TSPAN18: variants seen among roughly 807,000 people sequenced by gnomAD.
TSPAN18 encodes tetraspanin 18.
A neutral mutation model predicts 27.3 loss-of-function variants in TSPAN18; 14 were observed. The observed-to-expected ratio is 0.51, with a 90% CI of 0.34 to 0.80. TSPAN18 has a LOEUF of 0.80. Ranked by LOEUF, TSPAN18 falls within the 30% of genes least tolerant of loss-of-function variation. The pLI is 0.01. For missense variants in TSPAN18, 268 were observed against 323.9 expected (o/e 0.83, Z 1.32); for synonymous variants, 143 against 136.5 (o/e 1.05, Z -0.33).
chr11:44,799,498 C>A (rs1478134792), intron 2 of TSPAN18, among the ~76,000 whole-genome samples: 1 of 152,218 alleles, frequency 6.6e-6, no homozygotes, highest in Admixed American at 6.5e-5. Context: ...GTTAGCCCTC[C>A]AAGTAAGGGA....
intron 8 of TSPAN18, among the ~76,000 whole-genome samples, chr11:44,924,526 C>G (rs12421023): frequency 0.019 from 2,937 of 152,222 alleles, 115 homozygotes; most frequent in East Asian, 0.14. Flanking sequence ...AAAGAGTTCA[C>G]AAACCCAGTG....
intron 1 of TSPAN18, among the ~76,000 whole-genome samples, chr11:44,754,117 T>C (rs1321323828): frequency 6.6e-6 from 1 of 152,170 alleles, no homozygotes; most frequent in East Asian, 1.9e-4. Context: ...GGAAAAGCCA[T>C]CAAAATGCTA....
At chr11:44,869,058 G>A (rs1019512069) in intron 3 of TSPAN18, among the ~76,000 whole-genome samples, 5 of 152,240 alleles carry the variant, frequency 3.3e-5, no homozygotes, top group African/African-American at 9.6e-5. Flanking sequence ...CCCACTAGGC[G>A]TTCCCTTAGG....
intron 2 of TSPAN18, among the ~76,000 whole-genome samples, chr11:44,809,115 G>A (rs7107000): frequency 0.027 from 4,072 of 152,208 alleles, 149 homozygotes; most frequent in African/African-American, 0.081. Context: ...GGCACAGAGA[G>A]GTTAGGTGAC....
At chr11:44,729,067 C>A (rs1225781430) in intron 1 of TSPAN18, among the ~76,000 whole-genome samples, 3 of 152,318 alleles carry the variant, frequency 2.0e-5, no homozygotes, top group Middle Eastern at 3.4e-3. Flanking sequence ...TTCCTCTGTT[C>A]AATGTAGTCT....
chr11:44,729,664 T>C (rs988770177), intron 1 of TSPAN18, among the ~76,000 whole-genome samples: 1 of 152,160 alleles, frequency 6.6e-6, no homozygotes, highest in African/African-American at 2.4e-5. Context: ...AGCACATCAT[T>C]GAAAGCTCCA....
At chr11:44,882,587 GACACAC>G (rs748475836) in intron 3 of TSPAN18, among the ~76,000 whole-genome samples, 132 of 130,862 alleles carry the variant, frequency 1.0e-3, no homozygotes, top group Middle Eastern at 7.7e-3. Flanking sequence ...CAGAGAGAGA[GACACAC>G]ACACACACAC....
chr11:44,812,877 TAC>T (rs1317256783), intron 2 of TSPAN18, among the ~76,000 whole-genome samples: 6 of 152,104 alleles, frequency 3.9e-5, no homozygotes, highest in Non-Finnish European at 8.8e-5. Context: ...CCAGTGTACA[TAC>T]ACACACACAG....
chr11:44,758,813 T>C (rs951964411), intron 1 of TSPAN18, among the ~76,000 whole-genome samples: 1 of 152,212 alleles, frequency 6.6e-6, no homozygotes, highest in Non-Finnish European at 1.5e-5. Flanking sequence ...AACTGAGATT[T>C]AAACTCAGGT....
intron 5 of TSPAN18, among the ~76,000 whole-genome samples, chr11:44,913,841 G>A (rs1859811070): frequency 6.6e-6 from 1 of 152,260 alleles, no homozygotes; most frequent in African/African-American, 2.4e-5. Flanking sequence ...GCAAACCCTG[G>A]GAAAGGCCTT....
intron 2 of TSPAN18, among the ~76,000 whole-genome samples, chr11:44,843,251 A>T (rs1857411795): frequency 3.9e-5 from 6 of 152,184 alleles, no homozygotes; most frequent in Admixed American, 3.9e-4. Context: ...AAAAGAGGGA[A>T]ATTTTAAAGC....
intron 2 of TSPAN18, among the ~76,000 whole-genome samples, chr11:44,802,696 A>C (rs1328271378): frequency 6.6e-6 from 1 of 151,494 alleles, no homozygotes; most frequent in Admixed American, 6.6e-5. Context: ...GCAGGTGGTA[A>C]AGGCTGTGGG....
intron 2 of TSPAN18, among the ~76,000 whole-genome samples, chr11:44,846,295 C>A (rs764849423): frequency 1.1e-4 from 17 of 152,220 alleles, no homozygotes; most frequent in Non-Finnish European, 2.2e-4. Context: ...GATCTTCCTG[C>A]TCACACTCCA....
chr11:44,924,402 C>T (rs1440958443), intron 8 of TSPAN18, among the ~76,000 whole-genome samples: 1 of 152,172 alleles, frequency 6.6e-6, no homozygotes, highest in Non-Finnish European at 1.5e-5. Context: ...AGCCCAAGGT[C>T]GCACAGCAAG....
chr11:44,764,870 C>A (rs2134895853), intron 2 of TSPAN18, among the ~76,000 whole-genome samples: 1 of 152,296 alleles, frequency 6.6e-6, no homozygotes, highest in Admixed American at 6.5e-5. Context: ...CCCCCATACC[C>A]ACCACAGTCT....
intron 3 of TSPAN18, among the ~76,000 whole-genome samples, chr11:44,871,762 A>G (rs1858201932): frequency 6.6e-6 from 1 of 152,168 alleles, no homozygotes; most frequent in Non-Finnish European, 1.5e-5. Context: ...ATTGCTTGCT[A>G]TAGATGCTGC....
chr11:44,837,871 A>C (rs530479524), intron 2 of TSPAN18, among the ~76,000 whole-genome samples: 3 of 152,252 alleles, frequency 2.0e-5, no homozygotes, highest in Non-Finnish European at 2.9e-5. Context: ...TGCACACTTA[A>C]TAACAGTATG....
intron 2 of TSPAN18, among the ~76,000 whole-genome samples, chr11:44,778,295 A>G (rs1014092216): frequency 3.3e-5 from 5 of 150,876 alleles, no homozygotes; most frequent in African/African-American, 1.2e-4. Flanking sequence ...GGGAGAGGGG[A>G]GTTTCTCCCT....
intron 2 of TSPAN18, among the ~76,000 whole-genome samples, chr11:44,771,685 GA>G (rs978565587): frequency 3.3e-5 from 5 of 152,066 alleles, no homozygotes; most frequent in South Asian, 4.1e-4. Flanking sequence ...AAATATTCTA[GA>G]AAAAAATGCA....
Sources: allele counts gnomAD v4.1 joint callset (sites outside exome capture counted in the v4.1 genomes callset), GRCh38; gene constraint gnomAD v4.1.1; transcripts MANE v1.5; gene names NCBI Gene and HGNC (gene_info 2026-07-23, HGNC 2026-07-21).